Variants in LRRTM4 observed in about 807,000 individuals in gnomAD.
The protein encoded by LRRTM4 is leucine rich repeat transmembrane neuronal 4.
LRRTM4 carries 25 observed loss-of-function variants against 47.6 expected under a neutral mutation model. The observed-to-expected ratio is 0.53, with a 90% confidence interval of 0.38 to 0.73. The LOEUF (loss-of-function observed/expected upper bound fraction) is 0.73. Among genes scored for constraint, LRRTM4 ranks in the 30% least tolerant of loss-of-function variants. The pLI is 0.00. For missense variants in LRRTM4, 638 were observed against 713.4 expected (o/e 0.89, Z 1.20); for synonymous variants, 311 against 269.5 (o/e 1.15, Z -1.51).
intron 3 of LRRTM4, among the ~76,000 whole-genome samples, chr2:76,948,273 T>C (rs148635298): frequency 2.0e-5 from 3 of 151,838 alleles, no homozygotes; most frequent in Admixed American, 2.0e-4. Context: ...GATGCCACAA[T>C]TTTGTCCCCA....
chr2:77,043,432 G>A lies in LRRTM4; in HGVS notation c.1552-294516C>T, dbSNP rs991129846. Among the ~76,000 whole-genome samples the A allele has an allele frequency of 3.3e-5, 5 of 151,736 alleles. No homozygotes were observed. In the East Asian group the frequency reaches 9.7e-4, roughly 29 times the overall value. The stretch of plus-strand genomic sequence containing the variant: ...ACAACATAAAATATAGCAACAAAGA[G>A]CACTTCTGAGAAATTTCTGGTTCCC... On this transcript the variant is annotated intron_variant, in intron 3 of 3. Coordinates refer to ENST00000409884, the MANE Select transcript of LRRTM4 (RefSeq NM_001134745.3).
At chr2:77,446,062 C>T (rs926283974) in intron 3 of LRRTM4, among the ~76,000 whole-genome samples, 3 of 151,878 alleles carry the variant, frequency 2.0e-5, no homozygotes, top group Non-Finnish European at 2.9e-5. Flanking sequence ...GGTTATATAA[C>T]GTAAGCACTT....
chr2:77,429,790 G>A (rs937996855), intron 3 of LRRTM4, among the ~76,000 whole-genome samples: 1 of 152,168 alleles, frequency 6.6e-6, no homozygotes, highest in African/African-American at 2.4e-5. Flanking sequence ...AATCTGCCAG[G>A]TGGGGTGTCT....
intron 3 of LRRTM4, among the ~76,000 whole-genome samples, chr2:76,816,214 C>A (rs1558673200): frequency 6.6e-6 from 1 of 152,014 alleles, no homozygotes; most frequent in Non-Finnish European, 1.5e-5. Flanking sequence ...AGACAAGAAG[C>A]AAGAAGTGTT....
chr2:77,069,964 T>C (rs764381245), intron 3 of LRRTM4, among the ~76,000 whole-genome samples: 4 of 152,152 alleles, frequency 2.6e-5, no homozygotes, highest in Non-Finnish European at 5.9e-5. Context: ...AAGAGAAAGC[T>C]CTTAGGCCTG....
chr2:77,336,250 A>G (rs973954046), intron 3 of LRRTM4, among the ~76,000 whole-genome samples: 1 of 150,644 alleles, frequency 6.6e-6, no homozygotes, highest in Non-Finnish European at 1.5e-5. Context: ...GGAAGAAAGG[A>G]AAGAAGGAAG....
chr2:76,765,351 A>C (rs1397879990), intron 3 of LRRTM4, among the ~76,000 whole-genome samples: 5 of 152,158 alleles, frequency 3.3e-5, no homozygotes, highest in African/African-American at 1.2e-4. Flanking sequence ...ATACAGGAAA[A>C]AGTTAATGTT....
intron 3 of LRRTM4, among the ~76,000 whole-genome samples, chr2:76,846,269 T>C (rs1197474561): frequency 3.3e-5 from 5 of 152,114 alleles, no homozygotes; most frequent in Non-Finnish European, 4.4e-5. Flanking sequence ...TCCCAAGGGC[T>C]GCCCTGCACT....
Position 76,748,936 on chromosome 2 carries a change from A to G in LRRTM4, c.1552-20T>C. 1 of 1,599,572 alleles carries G rather than the reference A, an allele frequency of 6.3e-7. No individual in the cohort carries two copies. Among genetic ancestry groups the G allele is most frequent in the Non-Finnish European group, 8.6e-7 (1 of 1,167,752 alleles). ...TGGCATCTGGATATGAGAAATAGAA[A>G]GATGGGTGGATTATAAAATTGCTTT... On this transcript the variant is annotated intron_variant, in intron 3 of 3. Coordinates refer to ENST00000409884, the MANE Select transcript of LRRTM4 (RefSeq NM_001134745.3).
chr2:76,775,660 C>T (rs1415373891), intron 3 of LRRTM4, among the ~76,000 whole-genome samples: 2 of 152,068 alleles, frequency 1.3e-5, no homozygotes, highest in South Asian at 4.2e-4. Context: ...TAAGTGCAGT[C>T]CTGGTCATAA....
chr2:76,759,768 A>AT (rs1381256303), intron 3 of LRRTM4, among the ~76,000 whole-genome samples: 1 of 151,318 alleles, frequency 6.6e-6, no homozygotes, highest in Non-Finnish European at 1.5e-5. Context: ...CTCCAACCCC[A>AT]TTTTTCTGCA....
chr2:77,301,307 A>T (rs1040203517), intron 3 of LRRTM4, among the ~76,000 whole-genome samples: 2 of 152,108 alleles, frequency 1.3e-5, no homozygotes, highest in Non-Finnish European at 1.5e-5. Context: ...TGAATTTGAG[A>T]TATATAACAA....
intron 3 of LRRTM4, among the ~76,000 whole-genome samples, chr2:77,504,344 T>A (rs1047872792): frequency 1.6e-4 from 24 of 151,640 alleles, no homozygotes; most frequent in African/African-American, 5.8e-4. Flanking sequence ...ATTGACTGTC[T>A]TATTATTTGC....
chr2:76,896,569 T>C (rs1673424731), intron 3 of LRRTM4, among the ~76,000 whole-genome samples: 1 of 151,994 alleles, frequency 6.6e-6, no homozygotes, highest in Non-Finnish European at 1.5e-5. Flanking sequence ...GACAAAAGTT[T>C]ATATGGTTCA....
At chr2:76,778,099 AG>A (rs1674138122) in intron 3 of LRRTM4, among the ~76,000 whole-genome samples, 1 of 147,090 alleles carries the variant, frequency 6.8e-6, no homozygotes, top group African/African-American at 2.5e-5. Context: ...CTTGCATCCC[AG>A]GGATGAAGCC....
chr2:77,359,019 T>C (rs1672077838), intron 3 of LRRTM4, among the ~76,000 whole-genome samples: 1 of 152,152 alleles, frequency 6.6e-6, no homozygotes, highest in Admixed American at 6.5e-5. Flanking sequence ...AATCCTTTAT[T>C]TTCATCTAAT....
At chr2:77,257,913 G>A (rs1675814367) in intron 3 of LRRTM4, among the ~76,000 whole-genome samples, 1 of 151,840 alleles carries the variant, frequency 6.6e-6, no homozygotes, top group African/African-American at 2.4e-5. Context: ...TGACCAACAT[G>A]GAGAAACCCC....
At chr2:77,015,073 G>A (rs149262255) in intron 3 of LRRTM4, among the ~76,000 whole-genome samples, 99 of 152,132 alleles carry the variant, frequency 6.5e-4, no homozygotes, top group African/African-American at 2.3e-3. Flanking sequence ...GGATGAGTCT[G>A]ATTAGATCAG....
At chr2:77,133,662 T>C (rs1671859538) in intron 3 of LRRTM4, among the ~76,000 whole-genome samples, 1 of 152,200 alleles carries the variant, frequency 6.6e-6, no homozygotes, top group Admixed American at 6.5e-5. Context: ...ATTTCGATGT[T>C]GGATGAAATA....
Sources: allele counts gnomAD v4.1 joint callset (sites outside exome capture counted in the v4.1 genomes callset), GRCh38; gene constraint gnomAD v4.1.1; transcripts MANE v1.5; gene names NCBI Gene and HGNC (gene_info 2026-07-23, HGNC 2026-07-21).